Variants in ANKS1B observed in about 807,000 individuals in gnomAD.
ANKS1B encodes ankyrin repeat and sterile alpha motif domain-containing protein 1B.
A neutral mutation model predicts 148.3 loss-of-function variants in ANKS1B; 36 were observed. The ratio of observed to expected loss-of-function variants is 0.24; its 90% CI spans 0.19 to 0.32. The LOEUF is 0.32. Ranked by LOEUF, ANKS1B falls within the 10% of genes least tolerant of loss-of-function variation. ANKS1B has a pLI of 1.00. For synonymous variants in ANKS1B, 542 were observed against 560.8 expected, an observed-to-expected ratio of 0.97 and a Z score of 0.47; for missense variants, 1,157 against 1,542.6, an observed-to-expected ratio of 0.75 and a Z score of 4.19.
intron 8 of ANKS1B, among the ~76,000 whole-genome samples, chr12:99,733,601 A>C (rs1259932070): frequency 6.6e-6 from 1 of 152,210 alleles, no homozygotes; most frequent in African/African-American, 2.4e-5. Flanking sequence ...GTCTTTCTAA[A>C]ATACATGATG....
chr12:99,486,721 G>T (rs1324516359), intron 10 of ANKS1B, among the ~76,000 whole-genome samples: 1 of 152,074 alleles, frequency 6.6e-6, no homozygotes, highest in African/African-American at 2.4e-5. Context: ...CCCCTGTCAG[G>T]TCAGCAGGAA....
chr12:99,462,995 G>T (rs137886978), intron 10 of ANKS1B, among the ~76,000 whole-genome samples: 87 of 152,280 alleles, frequency 5.7e-4, no homozygotes, highest in African/African-American at 2.0e-3. Context: ...CTGCAGAACT[G>T]CAAGCCAAAC....
chr12:99,763,333 C>G (rs2062335847), intron 8 of ANKS1B, among the ~76,000 whole-genome samples: 1 of 152,162 alleles, frequency 6.6e-6, no homozygotes, highest in Non-Finnish European at 1.5e-5. Flanking sequence ...AAACTGTGTC[C>G]TTTGCAGCAA....
chr12:98,871,106 T>C (rs572014764), intron 17 of ANKS1B, among the ~76,000 whole-genome samples: 1 of 152,348 alleles, frequency 6.6e-6, no homozygotes, highest in South Asian at 2.1e-4. Flanking sequence ...AGAATGACTT[T>C]AATGGTCTAC....
chr12:99,971,662 G>T (rs987030943), intron 1 of ANKS1B, among the ~76,000 whole-genome samples: 15 of 151,590 alleles, frequency 9.9e-5, no homozygotes, highest in African/African-American at 3.6e-4. Flanking sequence ...TGAGATCCAG[G>T]TATCAGAACT....
rs78660249 is a variant in ANKS1B, at chr12:98,869,346, G to A, written c.2779-37210C>T. Among the ~76,000 whole-genome samples the A allele has an allele frequency of 1.6e-3, 246 of 152,172 alleles. 1 individual carries two copies. Among genetic ancestry groups the A allele is most frequent in the African/African-American group, 5.7e-3 (237 of 41,520 alleles). Reference sequence around the variant, plus strand: ...ATTCAAGAGTGAGCTGCTCCCCTACGAGGACTGGGCACGAGTCAAAACACT... The same window carrying A: ...ATTCAAGAGTGAGCTGCTCCCCTACAAGGACTGGGCACGAGTCAAAACACT... On this transcript the variant is annotated intron_variant, in intron 17 of 26. Coordinates refer to ENST00000683438, the MANE Select transcript of ANKS1B (RefSeq NM_001352186.2).
chr12:99,601,104 G>A (rs1435707759), intron 9 of ANKS1B, among the ~76,000 whole-genome samples: 1 of 151,994 alleles, frequency 6.6e-6, no homozygotes. Context: ...TTTGCTTTCT[G>A]TATATGTTAT....
chr12:99,557,780 C>G (rs1466996972), intron 9 of ANKS1B, among the ~76,000 whole-genome samples: 1 of 152,186 alleles, frequency 6.6e-6, no homozygotes, highest in Non-Finnish European at 1.5e-5. Context: ...ATTTTCTTAT[C>G]TAGGCAGGCT....
At chr12:99,081,560 C>G (rs2049786802) in intron 16 of ANKS1B, among the ~76,000 whole-genome samples, 1 of 152,156 alleles carries the variant, frequency 6.6e-6, no homozygotes, top group South Asian at 2.1e-4. Context: ...TTACAACATT[C>G]TATTTGTGCT....
intron 12 of ANKS1B, among the ~76,000 whole-genome samples, chr12:99,277,306 C>A (rs1566792465): frequency 6.6e-6 from 1 of 152,156 alleles, no homozygotes; most frequent in Non-Finnish European, 1.5e-5. Context: ...CCCCTATTTA[C>A]CCTTACCATG....
At chr12:98,933,254 G>T (rs188243990) in intron 17 of ANKS1B, among the ~76,000 whole-genome samples, 15 of 152,130 alleles carry the variant, frequency 9.9e-5, no homozygotes, top group African/African-American at 3.6e-4. Flanking sequence ...GAATTTCTGC[G>T]ACTAACTTAC....
chr12:99,752,701 C>A (rs1011141068), intron 8 of ANKS1B, among the ~76,000 whole-genome samples: 1 of 151,616 alleles, frequency 6.6e-6, no homozygotes, highest in South Asian at 2.1e-4. Flanking sequence ...TCACAATATA[C>A]CCTTATATAT....
rs752890412 is a variant in ANKS1B, at chr12:99,775,648, G to A, written c.861C>T (p.Gly287=). The change falls in exon 7 of 27, where the codon GGC becomes GGT. Residue 287 remains glycine (G), a synonymous_variant. Coordinates refer to ENST00000683438, the MANE Select transcript of ANKS1B (RefSeq NM_001352186.2). ...CTTCGAGGACTGTAGATCTTCCCAC[G>A]CCTTCTAAATACTCTGTGTGTATAC... ...IATLLQEYLE[G]VGRSTVLEEP... is the part of the protein sequence containing the mutation. The A allele has an allele frequency of 8.7e-6, 14 of 1,600,956 alleles. No homozygotes were observed. Among genetic ancestry groups the A allele is most frequent in the South Asian group, 2.2e-5 (2 of 89,926 alleles).
intron 1 of ANKS1B, among the ~76,000 whole-genome samples, chr12:99,829,650 A>AAAAC (rs747347282): frequency 6.6e-6 from 1 of 151,814 alleles, no homozygotes; most frequent in South Asian, 2.1e-4. Context: ...CTCCGTCTCA[A>AAAAC]AAACAAACAA....
chr12:99,708,221 G>T (rs554000078), intron 8 of ANKS1B, among the ~76,000 whole-genome samples: 1 of 152,246 alleles, frequency 6.6e-6, no homozygotes, highest in East Asian at 1.9e-4. Context: ...GGAAATGACA[G>T]AATACATCAG....
chr12:99,466,409 G>T (rs2096115138), intron 10 of ANKS1B, among the ~76,000 whole-genome samples: 1 of 151,824 alleles, frequency 6.6e-6, no homozygotes, highest in Admixed American at 6.6e-5. Context: ...ACATTCAAAA[G>T]CTAGCAGAAG....
At chr12:99,461,048 GTA>G (rs149509078) in intron 10 of ANKS1B, among the ~76,000 whole-genome samples, 164 of 144,408 alleles carry the variant, frequency 1.1e-3, no homozygotes, top group East Asian at 2.2e-3. Flanking sequence ...ATATATACAT[GTA>G]TATATATATA....
chr12:99,899,988 T>A (rs1046579987), intron 1 of ANKS1B, among the ~76,000 whole-genome samples: 21 of 151,822 alleles, frequency 1.4e-4, no homozygotes, highest in African/African-American at 5.1e-4. Flanking sequence ...AACCTCCGCT[T>A]CCCGGGTTCA....
chr12:98,802,837 T>G (rs1488696496), intron 20 of ANKS1B, among the ~76,000 whole-genome samples: 1 of 152,026 alleles, frequency 6.6e-6, no homozygotes, highest in African/African-American at 2.4e-5. Flanking sequence ...TTTACATTGC[T>G]TAATCCTCCT....
Sources: allele counts gnomAD v4.1 joint callset (sites outside exome capture counted in the v4.1 genomes callset), GRCh38; gene constraint gnomAD v4.1.1; transcripts MANE v1.5; gene names NCBI Gene and HGNC (gene_info 2026-07-23, HGNC 2026-07-21).